DENND2A: variants seen among roughly 807,000 people sequenced by gnomAD.
DENND2A encodes DENN domain containing 2A.
Under a neutral mutation model 105.3 loss-of-function variants are expected in DENND2A, and 53 were observed. The observed-to-expected ratio is 0.50, with a 90% CI of 0.40 to 0.63. The LOEUF (loss-of-function observed/expected upper bound fraction) is 0.63. Among genes scored for constraint, DENND2A ranks in the 30% least tolerant of loss-of-function variants. DENND2A has a pLI of 0.00. For missense variants in DENND2A, 1,138 were observed against 1,279.6 expected, an observed-to-expected ratio of 0.89 and a Z score of 1.69; for synonymous variants, 522 against 508.4, an observed-to-expected ratio of 1.03 and a Z score of -0.36.
At chr7:140,560,013 G>T (rs1045900359) in intron 9 of DENND2A, among the ~76,000 whole-genome samples, 196 bp from the exon 10 acceptor site, 4 of 152,080 alleles carry the variant, frequency 2.6e-5, no homozygotes, top group African/African-American at 9.7e-5. Context: ...AGACCTCTGG[G>T]AGAAGTTGGG....
At chr7:140,579,767 G>A (rs1443298820) in intron 5 of DENND2A, among the ~76,000 whole-genome samples, 2 of 152,158 alleles carry the variant, frequency 1.3e-5, no homozygotes, top group Non-Finnish European at 2.9e-5. Context: ...AGTGTTAGCA[G>A]TGAGTGTTGG....
intron 11 of DENND2A, among the ~76,000 whole-genome samples, chr7:140,557,685 G>A (rs1428371834): frequency 4.1e-5 from 6 of 145,064 alleles, no homozygotes; most frequent in Admixed American, 3.5e-4. Context: ...GACTACAGGC[G>A]CGTGCCACCA....
At position 140,530,080 on chromosome 7, in the gene DENND2A, C is replaced by T. The variant is rs535446713; in HGVS notation, c.2328-2585G>A. 9.0e-4 allele frequency among the ~76,000 whole-genome samples: 129 copies of T among 142,750 alleles called. 1 individual carries two copies. The highest frequency in any genetic ancestry group is 7.0e-3 in the Middle Eastern group (2 of 284). 93.6% of individuals were successfully genotyped at this position (142,750 alleles called of 152,430 possible). ...TTCTCAAAAAAAAAAAAAAAATAGC[C>T]TTTGGTGGTGACATGTGCCTGTGGT... On this transcript the variant is annotated intron_variant, in intron 14 of 19. Coordinates refer to ENST00000496613, the MANE Select transcript of DENND2A (RefSeq NM_015689.5).
chr7:140,531,640 A>C (rs1278056088), intron 14 of DENND2A, among the ~76,000 whole-genome samples: 1 of 151,548 alleles, frequency 6.6e-6, no homozygotes, highest in Non-Finnish European at 1.5e-5. Flanking sequence ...CTCTACTAAA[A>C]ATACAAAAAA....
At chr7:140,525,624 G>T in intron 16 of DENND2A, 127 bp downstream of exon 16, 1 of 802,066 alleles carries the variant, frequency 1.2e-6, no homozygotes, top group Non-Finnish European at 1.8e-6. Flanking sequence ...GCCCCGTCCT[G>T]GGGTCACACA....
At chr7:140,558,771 CTT>C (rs567981329) in intron 10 of DENND2A, among the ~76,000 whole-genome samples, 116 of 144,242 alleles carry the variant, frequency 8.0e-4, no homozygotes, top group Middle Eastern at 3.7e-3. Flanking sequence ...AAATGTGGTG[CTT>C]TGTTTCCATC....
chr7:140,550,835 T>C (rs1797104430), intron 12 of DENND2A, among the ~76,000 whole-genome samples: 1 of 152,160 alleles, frequency 6.6e-6, no homozygotes, highest in South Asian at 2.1e-4. Context: ...TGCACAACAA[T>C]GTGAGTGTAA....
chr7:140,595,614 C>A (rs1384522053), intron 3 of DENND2A, among the ~76,000 whole-genome samples: 1 of 151,984 alleles, frequency 6.6e-6, no homozygotes, highest in African/African-American at 2.4e-5. Context: ...ACAAAAAATA[C>A]AAAAATTAGC....
At chr7:140,596,481 C>T (rs982696873) in intron 3 of DENND2A, among the ~76,000 whole-genome samples, 2 of 152,102 alleles carry the variant, frequency 1.3e-5, no homozygotes, top group South Asian at 2.1e-4. Context: ...CTGTGAGAGC[C>T]GAGGGTTGCT....
intron 12 of DENND2A, among the ~76,000 whole-genome samples, chr7:140,551,319 A>C (rs1157866704): frequency 6.6e-6 from 1 of 151,254 alleles, no homozygotes. Context: ...AAAAAAAAAA[A>C]AAAGAAAGGA....
At chr7:140,561,193 G>T (rs1227186200) in intron 9 of DENND2A, among the ~76,000 whole-genome samples, 1 of 152,008 alleles carries the variant, frequency 6.6e-6, no homozygotes. Context: ...CTTTTAAGAA[G>T]CACCCCAGAT....
intron 1 of DENND2A, among the ~76,000 whole-genome samples, chr7:140,632,620 G>C (rs984490557): frequency 7.2e-5 from 11 of 152,206 alleles, no homozygotes; most frequent in African/African-American, 2.4e-4. Context: ...CCAGGCTGGA[G>C]TGCAGTGGCG....
At chr7:140,589,119 GGT>G (rs756605984) in intron 3 of DENND2A, among the ~76,000 whole-genome samples, 26 of 152,252 alleles carry the variant, frequency 1.7e-4, no homozygotes, top group Non-Finnish European at 3.2e-4. Flanking sequence ...ATTGGGAAAA[GGT>G]GGTGGAATTA....
chr7:140,626,127 C>T lies in DENND2A; in HGVS notation c.-248+14377G>A, dbSNP rs570692097. ...GACTCCAGGGTCCAGGTGCCTAACG[C>T]CTACAGGTCCACCTTGACGGCACCG... On this transcript the variant is annotated intron_variant, in intron 1 of 19. Coordinates refer to ENST00000496613, the MANE Select transcript of DENND2A (RefSeq NM_015689.5). 1.1e-4 allele frequency among the ~76,000 whole-genome samples: 17 copies of T among 152,352 alleles called. No homozygotes were observed. The East Asian group carries it at 3.1e-3, about 28-fold the overall frequency.
In DENND2A at chr7:140,523,032, C is replaced by T. The variant is rs553688576; in HGVS notation, c.2665+275G>A. ...AAGGGATCCTCCTGCCTCAGCCTCC[C>T]GGGTAGCTGGGACCACAGGCATGTG... On this transcript the variant is annotated intron_variant, in intron 17 of 19. Transcript: ENST00000496613. This position sits in a 1 kb window ranked among gnomAD's most constrained non-coding sequence, Gnocchi z 4.5. Among the ~76,000 whole-genome samples the T allele has an allele frequency of 1.1e-4, 17 of 152,292 alleles. No individual in the cohort carries two copies. In the South Asian group the frequency reaches 2.7e-3, roughly 24 times the overall value.
intron 1 of DENND2A, among the ~76,000 whole-genome samples, chr7:140,630,154 T>C (rs1375965194): frequency 6.6e-6 from 1 of 151,770 alleles, no homozygotes; most frequent in African/African-American, 2.4e-5. Context: ...TCTGTCACCC[T>C]GGCTGGAGTG....
Position 140,587,714 on chromosome 7 carries a change from C to T in DENND2A, c.1062G>A (p.Ala354=), listed in dbSNP as rs201968906. 329 of 1,613,302 alleles carry T rather than the reference C, an allele frequency of 2.0e-4. No individual in the cohort carries two copies. Among genetic ancestry groups the T allele is most frequent in the Non-Finnish European group, 1.7e-4 (200 of 1,179,500 alleles). The part of the protein sequence containing the change: ...SSESSRVDWY[A]QTKLGLTRTL... ...TGCGTGTCAGCCCCAGCTTAGTCTGCGCGTACCAGTCCACCCTGCTGCTCT... is the reference window on the plus strand; with the variant it reads ...TGCGTGTCAGCCCCAGCTTAGTCTGTGCGTACCAGTCCACCCTGCTGCTCT... The change falls in exon 4 of 20, where the codon GCG becomes GCA. Residue 354 remains alanine (A), a synonymous_variant. Coordinates refer to ENST00000496613, the MANE Select transcript of DENND2A (RefSeq NM_015689.5).
intron 11 of DENND2A, among the ~76,000 whole-genome samples, chr7:140,556,467 T>C (rs568962687): frequency 6.6e-6 from 1 of 151,514 alleles, no homozygotes; most frequent in Non-Finnish European, 1.5e-5. Context: ...GCCTCCCGAA[T>C]AGCTGGGATT....
chr7:140,590,419 T>C (rs975217400), intron 3 of DENND2A, among the ~76,000 whole-genome samples: 5 of 151,998 alleles, frequency 3.3e-5, no homozygotes, highest in Non-Finnish European at 7.4e-5. Context: ...ATAGAGCACA[T>C]GTAATGCAAG....
Sources: allele counts gnomAD v4.1 joint callset (sites outside exome capture counted in the v4.1 genomes callset), GRCh38; gene constraint gnomAD v4.1.1; non-coding constraint Gnocchi (gnomAD v3.1); transcripts MANE v1.5; gene names NCBI Gene and HGNC (gene_info 2026-07-23, HGNC 2026-07-21).